TCERG1L: variants seen among roughly 807,000 people sequenced by gnomAD.
The protein encoded by TCERG1L is transcription elongation regulator 1 like.
In TCERG1L, 37 loss-of-function variants were observed where a neutral mutation model predicts 56.3. The observed-to-expected ratio is 0.66, with a 90% CI of 0.51 to 0.87. The LOEUF is 0.87. TCERG1L is among the 40% of genes least tolerant of loss of function. The pLI is 0.00. For synonymous variants in TCERG1L, 324 were observed against 326.3 expected (o/e 0.99, Z 0.08); for missense variants, 799 against 774.2 (o/e 1.03, Z -0.38).
In TCERG1L at chr10:131,298,087, A is replaced by C. The variant is rs181641147; in HGVS notation, c.670+10124T>G. Reference sequence around the variant, plus strand: ...TTATCTTTACTATATCCTTAGATTTAATTACTTCTCCATTTTCTAGTTTCT... The same window carrying C: ...TTATCTTTACTATATCCTTAGATTTCATTACTTCTCCATTTTCTAGTTTCT... On this transcript the variant is annotated intron_variant, in intron 3 of 11. Coordinates refer to ENST00000368642, the MANE Select transcript of TCERG1L (RefSeq NM_174937.4). Among the ~76,000 whole-genome samples the C allele has an allele frequency of 4.0e-5, 6 of 149,444 alleles. No individual in the cohort carries two copies. In the East Asian group the frequency reaches 1.2e-3, roughly 29 times the overall value.
At chr10:131,190,089 G>A (rs946054583) in intron 4 of TCERG1L, among the ~76,000 whole-genome samples, 4 of 152,116 alleles carry the variant, frequency 2.6e-5, no homozygotes, top group East Asian at 1.9e-4. Context: ...TGAAGCCGGA[G>A]ACATTACAGC....
intron 3 of TCERG1L, among the ~76,000 whole-genome samples, chr10:131,298,597 A>C (rs2133580112): frequency 6.6e-6 from 1 of 152,302 alleles, no homozygotes. Context: ...TATTTTTAGT[A>C]GAGACAGGGT....
chr10:131,142,119 CA>C (rs1214292257), intron 7 of TCERG1L, among the ~76,000 whole-genome samples: 2 of 152,234 alleles, frequency 1.3e-5, no homozygotes, highest in African/African-American at 4.8e-5. Flanking sequence ...CCACCTGGAT[CA>C]TTCATTGTGC....
At chr10:131,124,280 C>G (rs542664113) in intron 8 of TCERG1L, among the ~76,000 whole-genome samples, 27 of 152,256 alleles carry the variant, frequency 1.8e-4, no homozygotes, top group African/African-American at 6.5e-4. Context: ...CCTATGCAGC[C>G]GAGCTCCAGA....
intron 9 of TCERG1L, among the ~76,000 whole-genome samples, chr10:131,108,377 C>A (rs1178934172): frequency 6.6e-6 from 1 of 152,086 alleles, no homozygotes; most frequent in African/African-American, 2.4e-5. Context: ...CTTTCCTGGT[C>A]CTGGGGGACT....
At chr10:131,132,793 G>T (rs1160002172) in intron 8 of TCERG1L, among the ~76,000 whole-genome samples, 1 of 152,178 alleles carries the variant, frequency 6.6e-6, no homozygotes, top group East Asian at 1.9e-4. Flanking sequence ...ACTTTCTAAG[G>T]AGGAGATTTG....
chr10:131,139,690 CTGTGTGTG>C (rs10534161), intron 7 of TCERG1L, among the ~76,000 whole-genome samples: 5 of 150,188 alleles, frequency 3.3e-5, no homozygotes, highest in Non-Finnish European at 7.4e-5. Flanking sequence ...GTGTGTGTGT[CTGTGTGTG>C]TGTGTGTGTG....
At chr10:131,139,642 TG>T (rs1845712581) in intron 7 of TCERG1L, among the ~76,000 whole-genome samples, 1 of 152,174 alleles carries the variant, frequency 6.6e-6, no homozygotes. Context: ...TTAAATGTAT[TG>T]TTTTTTATGC....
chr10:131,220,478 G>A (rs533190556), intron 4 of TCERG1L, among the ~76,000 whole-genome samples: 3 of 152,316 alleles, frequency 2.0e-5, no homozygotes, highest in Admixed American at 6.5e-5. Context: ...CCAGGGCTCC[G>A]TTCCTGCATT....
intron 3 of TCERG1L, among the ~76,000 whole-genome samples, chr10:131,285,526 GAGAAAGAAAAGAA>G (rs1564833956): frequency 0.13 from 2,841 of 22,540 alleles, 134 homozygotes; most frequent in African/African-American, 0.23. Flanking sequence ...GAAAGAAAGA[GAGAAAGAAAAGAA>G]AAGAAAGAAA....
At chr10:131,245,425 A>AAAG in intron 4 of TCERG1L, among the ~76,000 whole-genome samples, 1 of 152,208 alleles carries the variant, frequency 6.6e-6, no homozygotes, top group African/African-American at 2.4e-5. Context: ...TTTTTTAAAA[A>AAAG]AACTGAGAAG....
intron 4 of TCERG1L, among the ~76,000 whole-genome samples, chr10:131,245,419 T>A (rs2397756): frequency 0.13 from 14,067 of 111,080 alleles, 704 homozygotes; most frequent in Middle Eastern, 0.19. Flanking sequence ...AATTTTTTTT[T>A]TAAAAAAACT....
rs1398903035 is a variant in TCERG1L at position 131,256,864 on chromosome 10, G to A, written c.856+3395C>T. ...GCACCACTGCACTCTCAGCCTGGGCGACAGATCGAGACTCCATCTCAAGAA... is the reference window on the plus strand; with the variant it reads ...GCACCACTGCACTCTCAGCCTGGGCAACAGATCGAGACTCCATCTCAAGAA... On this transcript the variant is annotated intron_variant, in intron 4 of 11. Coordinates refer to ENST00000368642, the MANE Select transcript of TCERG1L (RefSeq NM_174937.4). Among the ~76,000 whole-genome samples, 4 of 150,528 alleles carry A rather than the reference G, an allele frequency of 2.7e-5. No homozygotes were observed. The South Asian group carries it at 6.4e-4, about 24-fold the overall frequency.
At chr10:131,108,559 A>C (rs1446431413) in intron 9 of TCERG1L, among the ~76,000 whole-genome samples, 1 of 152,150 alleles carries the variant, frequency 6.6e-6, no homozygotes, top group African/African-American at 2.4e-5. Context: ...CAGCAGCCTC[A>C]CACAGGCGGC....
chr10:131,256,994 A>AAGGAAGGAAGGAAGGAAGGAAGGAAGG (rs1554897149), intron 4 of TCERG1L, among the ~76,000 whole-genome samples: 1 of 69,080 alleles, frequency 1.4e-5, no homozygotes, highest in African/African-American at 5.4e-5. Flanking sequence ...GGAAGGAAGG[A>AAGGAAGGAAGGAAGGAAGGAAGGAAGG]AAGAAAGAAA....
chr10:131,136,685 A>G (rs575855762), intron 7 of TCERG1L, among the ~76,000 whole-genome samples: 1 of 152,020 alleles, frequency 6.6e-6, no homozygotes, highest in African/African-American at 2.4e-5. Flanking sequence ...TAGTAGAGAC[A>G]GGGTTTTACC....
chr10:131,301,757 T>G (rs975420747), intron 3 of TCERG1L, among the ~76,000 whole-genome samples: 7 of 151,632 alleles, frequency 4.6e-5, no homozygotes, highest in African/African-American at 1.7e-4. Context: ...TGAAATAAAA[T>G]GTGAATGTCA....
intron 3 of TCERG1L, among the ~76,000 whole-genome samples, chr10:131,270,511 T>C (rs1846329361): frequency 6.6e-6 from 1 of 152,162 alleles, no homozygotes; most frequent in African/African-American, 2.4e-5. Context: ...TAAAAATCAA[T>C]ATTTTAAGCA....
At chr10:131,209,950 G>A (rs1845598639) in intron 4 of TCERG1L, among the ~76,000 whole-genome samples, 1 of 152,110 alleles carries the variant, frequency 6.6e-6, no homozygotes. Context: ...TAGAAATAGA[G>A]GCTTCACTGA....
Sources: allele counts gnomAD v4.1 joint callset (sites outside exome capture counted in the v4.1 genomes callset), GRCh38; gene constraint gnomAD v4.1.1; transcripts MANE v1.5; gene names NCBI Gene and HGNC (gene_info 2026-07-23, HGNC 2026-07-21).